The following FSTL4 variants were observed in gnomAD, a reference collection of about 807,000 sequenced individuals.
The protein encoded by FSTL4 is follistatin-related protein 4.
In FSTL4, 28 loss-of-function variants were observed where a neutral mutation model predicts 78.2. The observed-to-expected ratio is 0.36, with a 90% CI of 0.27 to 0.49. The LOEUF is 0.49. Among genes scored for constraint, FSTL4 ranks in the 20% least tolerant of loss-of-function variants. The probability of loss-of-function intolerance (pLI) is 0.98; values close to 1 mark genes in which losing one functional copy is unlikely to be tolerated. For missense variants in FSTL4, 922 were observed against 1,084.9 expected, an observed-to-expected ratio of 0.85 and a Z score of 2.11; for synonymous variants, 422 against 440.5, an observed-to-expected ratio of 0.96 and a Z score of 0.53.
intron 4 of FSTL4, among the ~76,000 whole-genome samples, chr5:133,344,509 G>GAT (rs1754655278): frequency 6.6e-6 from 1 of 152,176 alleles, no homozygotes; most frequent in South Asian, 2.1e-4. Context: ...GTTTGAAGGA[G>GAT]ATTATTTTAA....
At chr5:133,529,741 G>A (rs796176871) in intron 3 of FSTL4, among the ~76,000 whole-genome samples, 8 of 152,116 alleles carry the variant, frequency 5.3e-5, no homozygotes, top group Admixed American at 1.3e-4. Context: ...GTTCTGCTTC[G>A]TTGAAGACTC....
intron 2 of FSTL4, chr5:133,583,266 T>A: frequency 2.2e-6 from 1 of 455,690 alleles, no homozygotes; most frequent in South Asian, 1.5e-5. Context: ...GAATCTTACC[T>A]CCTCCTTAAG....
the FSTL4 span, among the ~76,000 whole-genome samples, chr5:133,783,696 G>T: frequency 6.6e-6 from 1 of 152,188 alleles, no homozygotes; most frequent in African/African-American, 2.4e-5. Flanking sequence ...TTTGTGGGTT[G>T]TGCTGCCCCG....
At chr5:133,510,541 C>G (rs1296954462) in intron 3 of FSTL4, among the ~76,000 whole-genome samples, 1 of 152,090 alleles carries the variant, frequency 6.6e-6, no homozygotes, top group Non-Finnish European at 1.5e-5. Context: ...TCCCAGCCTT[C>G]CCTGAGAACA....
At chr5:133,840,058 A>G in the FSTL4 span, among the ~76,000 whole-genome samples, 1 of 152,148 alleles carries the variant, frequency 6.6e-6, no homozygotes, top group Non-Finnish European at 1.5e-5. Context: ...AAACAAGGAG[A>G]AAGGGACAAA....
At chr5:133,582,258 C>T (rs891907810) in intron 2 of FSTL4, among the ~76,000 whole-genome samples, 3 of 152,130 alleles carry the variant, frequency 2.0e-5, no homozygotes, top group Non-Finnish European at 2.9e-5. Context: ...TTGCAGTGCA[C>T]GAGACACAAA....
chr5:133,576,188 G>A (rs895949636), intron 2 of FSTL4, among the ~76,000 whole-genome samples: 7 of 152,218 alleles, frequency 4.6e-5, no homozygotes, highest in Non-Finnish European at 1.0e-4. Flanking sequence ...TTTGAAGGCT[G>A]CTGAAAGAGT....
Position 133,567,216 on chromosome 5 carries a change from G to A in FSTL4, c.130C>T (p.Pro44Ser). 6.2e-7 allele frequency: 1 copy of A among 1,606,500 alleles called. No individual in the cohort carries two copies. The highest frequency in any genetic ancestry group is 8.5e-7 in the Non-Finnish European group (1 of 1,173,194). Residue 44 changes from proline to serine, a missense_variant, in exon 3 of 16, where the codon CCC becomes TCC. Pro to Ser is a moderately conservative substitution (Grantham distance 74, BLOSUM62 -1). Coordinates refer to ENST00000265342, the MANE Select transcript of FSTL4 (RefSeq NM_015082.2). ...CTTCTTGTGACTTCAAAGCTTCTGGGCTCCTGCAAGAAAAGAAAGACTTTG... is the reference window on the plus strand; with the variant it reads ...CTTCTTGTGACTTCAAAGCTTCTGGACTCCTGCAAGAAAAGAAAGACTTTG... The part of the protein sequence containing the change: ...VGVGESQAEE[P>S]RSFEVTRREG...
At position 133,232,210 on chromosome 5, in the gene FSTL4, G is replaced by A. The variant is rs112604688; in HGVS notation, c.1015+1207C>T. 3.3e-3 allele frequency among the ~76,000 whole-genome samples: 496 copies of A among 152,318 alleles called. 4 individuals carry two copies. Among genetic ancestry groups the A allele is most frequent in the African/African-American group, 0.011 (473 of 41,562 alleles). On this transcript the variant is annotated intron_variant, in intron 8 of 15. Transcript: ENST00000265342. Reference sequence around the variant, plus strand: ...TCTGGGAGGTCTGGGCTATGGGCAAGTTATACTAATAATTTGAGAGAGGAA... The same window carrying A: ...TCTGGGAGGTCTGGGCTATGGGCAAATTATACTAATAATTTGAGAGAGGAA...
intron 14 of FSTL4, among the ~76,000 whole-genome samples, chr5:133,206,353 A>G (rs892056585): frequency 7.1e-6 from 1 of 140,008 alleles, no homozygotes; most frequent in Non-Finnish European, 1.6e-5. Flanking sequence ...CAGAGTTGCA[A>G]TGTAGTGTTA....
chr5:133,709,811 A>G, the FSTL4 span, among the ~76,000 whole-genome samples: 960 of 152,358 alleles, frequency 6.3e-3, 2 homozygotes, highest in Non-Finnish European at 0.01. Context: ...TAAAGGAGCT[A>G]TCTGTGAGGA....
At chr5:133,403,933 G>A (rs1023277666) in intron 3 of FSTL4, among the ~76,000 whole-genome samples, 5 of 152,172 alleles carry the variant, frequency 3.3e-5, no homozygotes, top group African/African-American at 9.7e-5. Context: ...AGGCACCTAC[G>A]TTTGCTTAAC....
rs116391242 is a variant in FSTL4 at position 133,205,218 on chromosome 5, G to A, written c.1717-3176C>T. The stretch of plus-strand genomic sequence containing the variant: ...GAATGCCTGCTGTATTTAATTAAAT[G>A]TCTTTTCAGTATTTATTGAAAACGT... On this transcript the variant is annotated intron_variant, in intron 14 of 15. Coordinates refer to ENST00000265342, the MANE Select transcript of FSTL4 (RefSeq NM_015082.2). Among the ~76,000 whole-genome samples the A allele has an allele frequency of 5.4e-3, 825 of 152,202 alleles. 7 individuals carry two copies. The highest frequency in any genetic ancestry group is 0.017 in the African/African-American group (726 of 41,522).
the FSTL4 span, among the ~76,000 whole-genome samples, chr5:133,701,753 G>A: frequency 6.6e-6 from 1 of 152,292 alleles, no homozygotes; most frequent in South Asian, 2.1e-4. Context: ...CTTACAAAAT[G>A]CACACAGTAG....
chr5:133,233,308 GGTT>G, intron 8 of FSTL4, 106 bp downstream of exon 8: 1 of 1,179,016 alleles, frequency 8.5e-7, no homozygotes, highest in African/African-American at 1.5e-5. Context: ...TATATTTTGG[GGTT>G]AGATATTTCT....
chr5:133,485,486 C>T (rs573409552), intron 3 of FSTL4, among the ~76,000 whole-genome samples: 4 of 152,356 alleles, frequency 2.6e-5, no homozygotes, highest in African/African-American at 7.2e-5. Flanking sequence ...AATTTCAGTA[C>T]ATGCAGCAAC....
At chr5:133,558,865 A>T (rs1759854693) in intron 3 of FSTL4, among the ~76,000 whole-genome samples, 1 of 152,160 alleles carries the variant, frequency 6.6e-6, no homozygotes, top group South Asian at 2.1e-4. Context: ...AAATGGGCCA[A>T]ATGCAGAGTG....
chr5:133,382,728 C>T (rs543304133), intron 4 of FSTL4, among the ~76,000 whole-genome samples: 4 of 152,316 alleles, frequency 2.6e-5, no homozygotes, highest in Admixed American at 6.5e-5. Context: ...GCTTAATTCC[C>T]TCAACATAGA....
chr5:133,205,386 C>CGTGTGT (rs3087070), intron 14 of FSTL4, among the ~76,000 whole-genome samples: 2,606 of 150,836 alleles, frequency 0.017, 38 homozygotes, highest in Non-Finnish European at 0.027. Context: ...TTTTTCTTTG[C>CGTGTGT]GTGTGTGTGT....
Sources: allele counts gnomAD v4.1 joint callset (sites outside exome capture counted in the v4.1 genomes callset), GRCh38; gene constraint gnomAD v4.1.1; transcripts MANE v1.5; gene names NCBI Gene and HGNC (gene_info 2026-07-23, HGNC 2026-07-21).